Variants in SCD5 observed in about 807,000 individuals in gnomAD.
SCD5 encodes stearoyl-CoA desaturase 5.
In SCD5, 20 loss-of-function variants were observed where a neutral mutation model predicts 30.4. The ratio of observed to expected loss-of-function variants is 0.66; its 90% CI spans 0.46 to 0.96. SCD5 has a LOEUF of 0.96. SCD5 is among the 40% of genes least tolerant of loss of function. SCD5 has a pLI of 0.00. For synonymous variants in SCD5, 173 were observed against 176.4 expected, an observed-to-expected ratio of 0.98 and a Z score of 0.16; for missense variants, 381 against 443.3, an observed-to-expected ratio of 0.86 and a Z score of 1.26.
chr4:82,725,041 T>C (rs1333572773), intron 1 of SCD5, among the ~76,000 whole-genome samples: 2 of 152,246 alleles, frequency 1.3e-5, no homozygotes, highest in Non-Finnish European at 2.9e-5. Context: ...GTTATCAACC[T>C]GGATGATAAC....
At chr4:82,669,453 A>T (rs1390212654) in intron 3 of SCD5, among the ~76,000 whole-genome samples, 1 of 152,262 alleles carries the variant, frequency 6.6e-6, no homozygotes, top group African/African-American at 2.4e-5. Flanking sequence ...ATGTGAGATT[A>T]CAGGGAAAAC....
intron 1 of SCD5, among the ~76,000 whole-genome samples, chr4:82,760,782 T>C (rs1721346871): frequency 6.6e-6 from 1 of 152,198 alleles, no homozygotes; most frequent in East Asian, 1.9e-4. Flanking sequence ...ATTTGGGGCA[T>C]ACGCCACCTT....
intron 1 of SCD5, among the ~76,000 whole-genome samples, chr4:82,797,756 T>C (rs1401568356): frequency 2.0e-5 from 3 of 151,748 alleles, no homozygotes; most frequent in African/African-American, 7.3e-5. Flanking sequence ...GGGGAACCGG[T>C]ATCTTCCATC....
At chr4:82,676,604 C>T (rs950837999) in intron 3 of SCD5, among the ~76,000 whole-genome samples, 1 of 152,244 alleles carries the variant, frequency 6.6e-6, no homozygotes, top group Non-Finnish European at 1.5e-5. Context: ...CTGCTATAGG[C>T]TCTAGAAGAG....
chr4:82,704,499 G>T (rs867247854), intron 2 of SCD5, among the ~76,000 whole-genome samples: 4 of 152,320 alleles, frequency 2.6e-5, no homozygotes, highest in Admixed American at 6.5e-5. Context: ...GTGGGGAATG[G>T]TCTAGGACTG....
intron 1 of SCD5, among the ~76,000 whole-genome samples, chr4:82,759,547 G>A (rs905447161): frequency 2.6e-5 from 4 of 151,182 alleles, no homozygotes; most frequent in Admixed American, 1.3e-4. Flanking sequence ...TCAGCTGGGC[G>A]CAGCAGCACT....
intron 1 of SCD5, among the ~76,000 whole-genome samples, chr4:82,788,322 C>G (rs1722026680): frequency 6.6e-6 from 1 of 152,174 alleles, no homozygotes; most frequent in African/African-American, 2.4e-5. Flanking sequence ...CTGAGCCACC[C>G]ATAGTAATCC....
intron 2 of SCD5, among the ~76,000 whole-genome samples, chr4:82,690,038 G>A (rs1172819435): frequency 1.3e-5 from 2 of 152,250 alleles, no homozygotes; most frequent in African/African-American, 2.4e-5. Context: ...CCAGATGAAT[G>A]GAATCTAAAG....
At chr4:82,688,590 C>A (rs762222251) in intron 2 of SCD5, among the ~76,000 whole-genome samples, 6 of 151,984 alleles carry the variant, frequency 3.9e-5, no homozygotes, top group Non-Finnish European at 7.4e-5. Context: ...TAAGAATATC[C>A]CAGAAAGTCC....
intron 3 of SCD5, among the ~76,000 whole-genome samples, chr4:82,647,595 C>T (rs1475374438): frequency 1.3e-5 from 2 of 152,092 alleles, no homozygotes; most frequent in Admixed American, 6.5e-5. Context: ...TACGTGGGTC[C>T]CTTCCTGTAT....
chr4:82,739,544 G>T (rs909729789), intron 1 of SCD5, among the ~76,000 whole-genome samples: 2 of 152,254 alleles, frequency 1.3e-5, no homozygotes, highest in Non-Finnish European at 2.9e-5. Flanking sequence ...CCGCCTGCTG[G>T]TTGTGTGCGG....
At chr4:82,690,932 T>A (rs1728819111) in intron 2 of SCD5, among the ~76,000 whole-genome samples, 1 of 152,248 alleles carries the variant, frequency 6.6e-6, no homozygotes, top group Non-Finnish European at 1.5e-5. Flanking sequence ...GAAATAATTT[T>A]AGACTGGGAT....
At chr4:82,790,881 C>T (rs950426707) in intron 1 of SCD5, among the ~76,000 whole-genome samples, 2 of 152,078 alleles carry the variant, frequency 1.3e-5, no homozygotes, top group African/African-American at 4.8e-5. Context: ...AGGCTTCTGA[C>T]AATTTTAATC....
At chr4:82,759,895 T>C (rs1241606051) in intron 1 of SCD5, among the ~76,000 whole-genome samples, 1 of 152,156 alleles carries the variant, frequency 6.6e-6, no homozygotes, top group Non-Finnish European at 1.5e-5. Flanking sequence ...AATAATTCCT[T>C]TCCTATTGAT....
At position 82,798,493 on chromosome 4, in the gene SCD5, G is replaced by A; in HGVS notation, c.45C>T (p.Asp15=). ...ATDAGKIPFC[D]AKEEIRAGLE... is the part of the protein sequence containing the mutation. Reference sequence around the variant, plus strand: ...GCCCGGCACGGATTTCTTCCTTGGCGTCGCAGAAAGGGATCTTCCCCGCGT... The same window carrying A: ...GCCCGGCACGGATTTCTTCCTTGGCATCGCAGAAAGGGATCTTCCCCGCGT... Residue 15 remains aspartate, a synonymous_variant, in exon 1 of 5, where the codon GAC becomes GAT. Coordinates refer to ENST00000319540, the MANE Select transcript of SCD5 (RefSeq NM_001037582.3). 6.2e-7 allele frequency: 1 copy of A among 1,610,636 alleles called. No individual in the cohort carries two copies. The highest frequency in any genetic ancestry group is 8.5e-7 in the Non-Finnish European group (1 of 1,178,664).
chr4:82,750,137 C>T (rs1721070048), intron 1 of SCD5, among the ~76,000 whole-genome samples: 1 of 152,224 alleles, frequency 6.6e-6, no homozygotes, highest in African/African-American at 2.4e-5. Context: ...CAATGGATCG[C>T]ACACAGTCTG....
chr4:82,702,925 G>A (rs1719884357), intron 2 of SCD5, among the ~76,000 whole-genome samples: 1 of 152,198 alleles, frequency 6.6e-6, no homozygotes. Flanking sequence ...CACTGACACA[G>A]TTCTGCATGT....
intron 3 of SCD5, chr4:82,660,053 C>T (rs1184407951): frequency 2.7e-5 from 4 of 149,168 alleles, no homozygotes; most frequent in African/African-American, 9.8e-5. Context: ...TTTAAACCAA[C>T]AAAGATCAAA....
intron 1 of SCD5, among the ~76,000 whole-genome samples, chr4:82,713,304 T>C (rs756901244): frequency 3.2e-4 from 45 of 141,532 alleles, no homozygotes; most frequent in Non-Finnish European, 6.5e-4. Flanking sequence ...CAACTGCTAC[T>C]TTTCCTGGTT....
Sources: allele counts gnomAD v4.1 joint callset (sites outside exome capture counted in the v4.1 genomes callset), GRCh38; gene constraint gnomAD v4.1.1; transcripts MANE v1.5; gene names NCBI Gene and HGNC (gene_info 2026-07-23, HGNC 2026-07-21).